GARNL3: variants seen among roughly 807,000 people sequenced by gnomAD.
GARNL3 encodes the protein GTPase activating Rap/RanGAP domain like 3.
GARNL3 carries 63 observed loss-of-function variants against 125.0 expected under a neutral mutation model. The ratio of observed to expected loss-of-function variants is 0.50; its 90% CI spans 0.41 to 0.62. The LOEUF (loss-of-function observed/expected upper bound fraction) is 0.62. Ranked by LOEUF, GARNL3 falls within the 20% of genes least tolerant of loss-of-function variation. The pLI, the probability that GARNL3 is intolerant of heterozygous loss-of-function variation, is 0.00. For synonymous variants in GARNL3, 439 were observed against 457.5 expected, an observed-to-expected ratio of 0.96 and a Z score of 0.52; for missense variants, 994 against 1,244.0, an observed-to-expected ratio of 0.80 and a Z score of 3.02.
rs140495820 is a variant in GARNL3 at position 127,225,781 on chromosome 9, G to A, written c.-29+1443G>A. On this transcript the variant is annotated intron_variant, in intron 1 of 10. Transcript: ENST00000439286. ...CCGGCGCCCGCGTGCCCTGGCAGCC[G>A]CACACCTGCTGCCTCCGCGGCCCCC... 3.6e-3 allele frequency among the ~76,000 whole-genome samples: 535 copies of A among 149,790 alleles called. 3 individuals carry two copies. Among genetic ancestry groups the A allele is most frequent in the Middle Eastern group, 0.021 (6 of 290 alleles).
At chr9:127,342,444 A>G in intron 14 of GARNL3, 110 bp downstream of exon 14, 6 of 725,818 alleles carry the variant, frequency 8.3e-6, no homozygotes, top group South Asian at 3.3e-5. Context: ...AGGCGCCTTG[A>G]TCCTTGCTGT....
chr9:127,369,755 AAG>A (rs779447120), intron 22 of GARNL3, among the ~76,000 whole-genome samples: 2 of 152,218 alleles, frequency 1.3e-5, no homozygotes, highest in East Asian at 1.9e-4. Flanking sequence ...TTAAGGGAAA[AAG>A]AGAGGCGGGA....
chr9:127,230,948 G>C (rs2062989150), intron 1 of GARNL3, among the ~76,000 whole-genome samples: 1 of 143,162 alleles, frequency 7.0e-6, no homozygotes, highest in Non-Finnish European at 1.5e-5. Flanking sequence ...AGCTAATACA[G>C]GCAAACGATA....
rs574347277 is a variant in GARNL3, at chr9:127,348,806, G to A, written c.1432-118G>A. The A allele has an allele frequency of 2.5e-4, 158 of 632,894 alleles. No individual in the cohort carries two copies. The South Asian group carries it at 3.1e-3, about 13-fold the overall frequency. The allele number at this position is 632,894 out of a possible 1,614,324, so 39.2% of individuals were successfully genotyped here. ...AGACCCCAGGGTTTGGAGTGACTCC[G>A]CTCCCACGGGGGTATCTGTGTTACT... On this transcript the variant is annotated intron_variant, in intron 16 of 27. Coordinates refer to ENST00000373387, the MANE Select transcript of GARNL3 (RefSeq NM_032293.5).
At chr9:127,381,884 C>T (rs1588972336) in intron 22 of GARNL3, among the ~76,000 whole-genome samples, 1 of 152,062 alleles carries the variant, frequency 6.6e-6, no homozygotes, top group East Asian at 1.9e-4. Flanking sequence ...GGATTACAAG[C>T]GTGAGCCACT....
upstream of GARNL3, chr9:127,264,225 T>C (rs996404071): frequency 8.4e-6 from 3 of 359,152 alleles, no homozygotes; most frequent in Non-Finnish European, 1.5e-5. Context: ...CTTTTGAGTG[T>C]GCAACTGTGC....
At chr9:127,300,829 T>C in intron 2 of GARNL3, 1 of 371,600 alleles carries the variant, frequency 2.7e-6, no homozygotes, top group Admixed American at 3.8e-5. Flanking sequence ...TATCTACATT[T>C]AGCAACATTA....
At chr9:127,345,840 A>G (rs973847008) in intron 16 of GARNL3, among the ~76,000 whole-genome samples, 1 of 152,218 alleles carries the variant, frequency 6.6e-6, no homozygotes, top group African/African-American at 2.4e-5. Flanking sequence ...TGTGTTTCCA[A>G]CAAACTTGCA....
chr9:127,317,388 G>A (rs2065268835), intron 4 of GARNL3, among the ~76,000 whole-genome samples: 1 of 152,166 alleles, frequency 6.6e-6, no homozygotes, highest in South Asian at 2.1e-4. Flanking sequence ...TGTGGAGACT[G>A]TTGTCTTATG....
intron 1 of GARNL3, among the ~76,000 whole-genome samples, chr9:127,278,232 G>A (rs1005195335): frequency 2.6e-5 from 4 of 152,222 alleles, no homozygotes; most frequent in Admixed American, 6.5e-5. Context: ...TCACTATTAC[G>A]ATTTAGTACA....
intron 22 of GARNL3, among the ~76,000 whole-genome samples, chr9:127,366,194 GATTA>G (rs1443636006): frequency 6.6e-6 from 1 of 152,170 alleles, no homozygotes; most frequent in Non-Finnish European, 1.5e-5. Context: ...ATTAATCTTT[GATTA>G]ATAAGTATAA....
chr9:127,371,377 C>T (rs1015350851), intron 22 of GARNL3, among the ~76,000 whole-genome samples: 9 of 152,146 alleles, frequency 5.9e-5, no homozygotes, highest in African/African-American at 1.7e-4. Flanking sequence ...CCTTCCTTCA[C>T]GTAGGAAATC....
At chr9:127,335,048 G>C (rs1829473511) in intron 9 of GARNL3, among the ~76,000 whole-genome samples, 182 bp from the exon 10 acceptor site, 1 of 152,202 alleles carries the variant, frequency 6.6e-6, no homozygotes, top group Non-Finnish European at 1.5e-5. Context: ...TAGGGAGAGA[G>C]GAAGAGGCCT....
intron 1 of GARNL3, among the ~76,000 whole-genome samples, chr9:127,286,621 C>G (rs891309508): frequency 1.3e-5 from 2 of 152,150 alleles, no homozygotes; most frequent in Non-Finnish European, 2.9e-5. Context: ...TTTTGAAATT[C>G]AGTAATTACA....
intron 2 of GARNL3, among the ~76,000 whole-genome samples, chr9:127,251,672 G>T (rs1477732975): frequency 3.3e-5 from 5 of 152,136 alleles, no homozygotes; most frequent in African/African-American, 1.2e-4. Context: ...ATTCATGTCA[G>T]TTCCACAGCA....
intron 26 of GARNL3, 149 bp from the exon 27 acceptor site, chr9:127,390,492 C>T: frequency 1.3e-6 from 1 of 765,386 alleles, no homozygotes; most frequent in Non-Finnish European, 2.1e-6. Context: ...ACCAGAAAAC[C>T]AATAATTTGA....
In GARNL3 at chr9:127,383,493, AC is replaced by A. The variant is rs755727453; in HGVS notation, c.2219del (p.Pro740LeufsTer38). 6.2e-7 allele frequency: 1 copy of A among 1,613,026 alleles called. No individual in the cohort carries two copies. The highest frequency in any genetic ancestry group is 8.5e-7 in the Non-Finnish European group (1 of 1,179,600). On this transcript the variant is annotated frameshift_variant, in exon 23 of 28. Transcript: ENST00000373387. LOFTEE classifies it high-confidence loss of function. ...PFNGGSFLVQ[P>X]SASDFQFCWN... ...TTAATGGTGGCTCTTTTTTGGTTCA[AC>A]CTTCTGCGTCAGATTTCCAGTTCTG...
At chr9:127,264,554 G>C (rs1290793424), upstream of GARNL3, 14 of 1,031,084 alleles carry the variant, frequency 1.4e-5, no homozygotes, top group Non-Finnish European at 1.2e-5. Context: ...TCTCTTAAAT[G>C]AAAGATAATT....
At chr9:127,311,461 C>T (rs2065096604) in intron 2 of GARNL3, among the ~76,000 whole-genome samples, 175 bp from the exon 3 acceptor site, 1 of 152,180 alleles carries the variant, frequency 6.6e-6, no homozygotes, top group African/African-American at 2.4e-5. Flanking sequence ...CTCCTGGATG[C>T]TTCCACGATG....
Sources: gnomAD v4.1 joint callset for allele counts (sites outside exome capture counted in the v4.1 genomes callset) on GRCh38, gnomAD v4.1.1 for gene constraint, MANE v1.5 for transcripts, NCBI Gene and HGNC (gene_info 2026-07-23, HGNC 2026-07-21) for gene names.